The following MYO3B variants were observed in gnomAD, a reference collection of about 807,000 sequenced individuals.
MYO3B encodes the protein myosin IIIB.
A neutral mutation model predicts 174.6 loss-of-function variants in MYO3B; 156 were observed. The observed-to-expected ratio is 0.89, with a 90% confidence interval of 0.78 to 1.02. The LOEUF is 1.02. Ranked by LOEUF, MYO3B falls within the 50% of genes least tolerant of loss-of-function variation. MYO3B has a pLI of 0.00. For missense variants in MYO3B, 1,632 were observed against 1,639.4 expected (o/e 1.00, Z 0.08); for synonymous variants, 563 against 569.1 (o/e 0.99, Z 0.15).
At chr2:170,491,911 AG>A (rs1483599948) in intron 25 of MYO3B, among the ~76,000 whole-genome samples, 2 of 152,114 alleles carry the variant, frequency 1.3e-5, no homozygotes, top group Non-Finnish European at 2.9e-5. Context: ...AAAATTAACC[AG>A]GTGTGGTGGC....
chr2:170,381,957 C>T (rs2094338819), intron 9 of MYO3B, 59 bp from the exon 10 acceptor site: 10 of 1,423,314 alleles, frequency 7.0e-6, no homozygotes, highest in Non-Finnish European at 9.9e-6. Context: ...TGCTTGCTGC[C>T]CGCTTTCTGC....
At chr2:170,590,155 T>C (rs1314288843) in intron 32 of MYO3B, among the ~76,000 whole-genome samples, 2 of 152,228 alleles carry the variant, frequency 1.3e-5, no homozygotes, top group Non-Finnish European at 2.9e-5. Context: ...CATGAAGTGA[T>C]ATATGCCTGT....
At chr2:170,181,445 T>C (rs1406574630) in intron 1 of MYO3B, among the ~76,000 whole-genome samples, 3 of 152,122 alleles carry the variant, frequency 2.0e-5, no homozygotes, top group African/African-American at 7.2e-5. Context: ...TTTCTTGACT[T>C]ATTATTCTGG....
At chr2:170,355,778 G>A (rs1019796007) in intron 8 of MYO3B, among the ~76,000 whole-genome samples, 1 of 152,012 alleles carries the variant, frequency 6.6e-6, no homozygotes, top group African/African-American at 2.4e-5. Flanking sequence ...CCAGCATCCA[G>A]ACATTCAACG....
chr2:170,358,652 G>T (rs545623667), intron 8 of MYO3B, among the ~76,000 whole-genome samples: 2 of 152,138 alleles, frequency 1.3e-5, no homozygotes, highest in South Asian at 4.1e-4. Flanking sequence ...TTATTGAGTA[G>T]TTTTTGCTGA....
At chr2:170,348,201 T>C (rs1221146694) in intron 8 of MYO3B, 1 of 152,214 alleles carries the variant, frequency 6.6e-6, no homozygotes, top group Non-Finnish European at 1.5e-5. Context: ...AGTATTTCGT[T>C]CCTCTTTATG....
intron 3 of MYO3B, among the ~76,000 whole-genome samples, chr2:170,203,135 AT>A (rs1363834262): frequency 6.6e-6 from 1 of 152,210 alleles, no homozygotes; most frequent in African/African-American, 2.4e-5. Flanking sequence ...TGAATATTAA[AT>A]TTTTAAAAAT....
At chr2:170,314,758 G>A (rs2093763100) in intron 7 of MYO3B, among the ~76,000 whole-genome samples, 1 of 152,196 alleles carries the variant, frequency 6.6e-6, no homozygotes, top group Non-Finnish European at 1.5e-5. Context: ...TGGCAGAGAT[G>A]GAAAGTCCTT....
intron 22 of MYO3B, among the ~76,000 whole-genome samples, chr2:170,435,580 T>G (rs965050008): frequency 6.6e-6 from 1 of 152,242 alleles, no homozygotes; most frequent in Non-Finnish European, 1.5e-5. Flanking sequence ...CTACGTGGTT[T>G]CAGTTCTCAG....
At chr2:170,297,012 T>C (rs1308987614) in intron 7 of MYO3B, among the ~76,000 whole-genome samples, 2 of 152,118 alleles carry the variant, frequency 1.3e-5, no homozygotes, top group South Asian at 2.1e-4. Flanking sequence ...ACCTCCAACA[T>C]TGGGGATTAC....
chr2:170,522,490 T>C (rs1434885052), intron 30 of MYO3B, among the ~76,000 whole-genome samples: 3 of 152,276 alleles, frequency 2.0e-5, no homozygotes, highest in Non-Finnish European at 4.4e-5. Context: ...TTTCTCCTTC[T>C]GTCTTTACAG....
chr2:170,383,798 C>A lies in MYO3B; in HGVS notation c.1274C>A (p.Thr425Asn). ...SADAAYQCMVTLSKDQCIVIS... is the reference protein window; with the variant it reads ...SADAAYQCMVNLSKDQCIVIS... Reference sequence around the variant, plus strand: ...GATGCTGCTTACCAGTGCATGGTTACTCTCAGCAAAGACCAGGTAAGAACT... The same window carrying A: ...GATGCTGCTTACCAGTGCATGGTTAATCTCAGCAAAGACCAGGTAAGAACT... The change falls in exon 12 of 35, where the codon ACT becomes AAT. Residue 425 changes from threonine (T) to asparagine (N), a missense_variant. Transcript: ENST00000408978. The A allele has an allele frequency of 6.2e-7, 1 of 1,613,358 alleles. No individual in the cohort carries two copies. Among genetic ancestry groups the A allele is most frequent in the South Asian group, 1.1e-5 (1 of 91,060 alleles).
In MYO3B at chr2:170,560,430, G is replaced by A. The variant is rs530795353; in HGVS notation, c.3733+16442G>A. ...GGTCTGTTTGGCTGCTTAGCAGTGA[G>A]CAATTAGAACAGCCAGTCTACCCAG... is the stretch of plus-strand genomic sequence containing the variant. On this transcript the variant is annotated intron_variant, in intron 32 of 34. Transcript: ENST00000408978. 4.6e-5 allele frequency among the ~76,000 whole-genome samples: 7 copies of A among 152,270 alleles called. No individual in the cohort carries two copies. The South Asian group carries it at 1.2e-3, about 27-fold the overall frequency.
chr2:170,537,435 TA>T (rs1254632333), intron 30 of MYO3B, among the ~76,000 whole-genome samples: 1 of 145,552 alleles, frequency 6.9e-6, no homozygotes, highest in East Asian at 2.0e-4. Context: ...CTTCTCTTAT[TA>T]AGAGCTCTTT....
chr2:170,385,381 T>C (rs1026792821), intron 12 of MYO3B, among the ~76,000 whole-genome samples: 1 of 152,120 alleles, frequency 6.6e-6, no homozygotes, highest in Non-Finnish European at 1.5e-5. Flanking sequence ...TTCTTAGGAA[T>C]AAACTGAGGT....
intron 32 of MYO3B, among the ~76,000 whole-genome samples, chr2:170,644,997 G>A (rs1424222929): frequency 6.6e-6 from 1 of 152,122 alleles, no homozygotes; most frequent in Non-Finnish European, 1.5e-5. Context: ...AGAGACCTAT[G>A]TTAAATGCAA....
chr2:170,462,082 G>T (rs1237178151), intron 23 of MYO3B, among the ~76,000 whole-genome samples: 2 of 152,182 alleles, frequency 1.3e-5, no homozygotes, highest in Non-Finnish European at 2.9e-5. Flanking sequence ...AGGTGGTGCT[G>T]GTGTGTTGTG....
At chr2:170,626,685 C>T (rs1413811194) in intron 32 of MYO3B, among the ~76,000 whole-genome samples, 3 of 152,142 alleles carry the variant, frequency 2.0e-5, no homozygotes, top group African/African-American at 7.2e-5. Flanking sequence ...GTGGCTGGTA[C>T]CAGTTGTTCC....
At chr2:170,553,420 T>C (rs1691059976) in intron 32 of MYO3B, among the ~76,000 whole-genome samples, 1 of 152,202 alleles carries the variant, frequency 6.6e-6, no homozygotes, top group Non-Finnish European at 1.5e-5. Flanking sequence ...CCTTTAAGAT[T>C]TAATGACTAC....
Sources: allele counts gnomAD v4.1 joint callset (sites outside exome capture counted in the v4.1 genomes callset), GRCh38; gene constraint gnomAD v4.1.1; transcripts MANE v1.5; gene names NCBI Gene and HGNC (gene_info 2026-07-23, HGNC 2026-07-21).